MSRA: variants seen among roughly 807,000 people sequenced by gnomAD.
MSRA encodes the protein methionine sulfoxide reductase A, also known as mitochondrial peptide methionine sulfoxide reductase.
Under a neutral mutation model 31.3 loss-of-function variants are expected in MSRA, and 54 were observed. The ratio of observed to expected loss-of-function variants is 1.73; its 90% CI spans 1.39 to 2.17. The LOEUF (loss-of-function observed/expected upper bound fraction) is 2.17, where lower values mean the gene tolerates loss of function less well. Among genes scored for constraint, MSRA ranks in the 30% most tolerant of loss-of-function variants. MSRA has a pLI of 0.00. For missense variants in MSRA, 507 were observed against 300.9 expected (o/e 1.69, Z -5.07); for synonymous variants, 169 against 116.5 (o/e 1.45, Z -2.90).
intron 5 of MSRA, among the ~76,000 whole-genome samples, chr8:10,369,872 G>A (rs1805381095): frequency 6.6e-6 from 1 of 152,110 alleles, no homozygotes; most frequent in Non-Finnish European, 1.5e-5. Flanking sequence ...ATAACTTATA[G>A]CAGATAAAAG....
chr8:10,095,917 T>G (rs1286571465), intron 1 of MSRA: 1 of 1,337,680 alleles, frequency 7.5e-7, no homozygotes, highest in Admixed American at 3.4e-5. Context: ...AGGATTAATA[T>G]AGAAGATGGC....
chr8:10,084,022 G>C (rs1393722156), intron 1 of MSRA, among the ~76,000 whole-genome samples: 1 of 152,192 alleles, frequency 6.6e-6, no homozygotes, highest in African/African-American at 2.4e-5. Flanking sequence ...TCAATATTAT[G>C]TTTTGGAAGT....
rs548267098 is a variant in MSRA, at chr8:10,264,752, G to A, written c.331+19529G>A. On this transcript the variant is annotated intron_variant, in intron 3 of 5. Coordinates refer to ENST00000317173, the MANE Select transcript of MSRA (RefSeq NM_012331.5). Reference sequence around the variant, plus strand: ...AAGCCTTGAGTCTTGATGAATGGGCGAGGGAGACAATCCTTTATATCAAGT... The same window carrying A: ...AAGCCTTGAGTCTTGATGAATGGGCAAGGGAGACAATCCTTTATATCAAGT... 1.7e-3 allele frequency among the ~76,000 whole-genome samples: 264 copies of A among 152,332 alleles called. 2 individuals are homozygous for A. The highest frequency in any genetic ancestry group is 6.8e-3 in the Middle Eastern group (2 of 294).
chr8:10,145,816 C>T (rs966551106), intron 1 of MSRA, among the ~76,000 whole-genome samples: 2 of 151,972 alleles, frequency 1.3e-5, no homozygotes, highest in Admixed American at 1.3e-4. Flanking sequence ...GTACATACAC[C>T]CGCATCTGCA....
chr8:10,389,102 A>T (rs918081246), intron 5 of MSRA, among the ~76,000 whole-genome samples: 3 of 152,158 alleles, frequency 2.0e-5, no homozygotes. Flanking sequence ...TTTCACAAAA[A>T]ATTCGTAACC....
At chr8:10,113,373 G>A (rs1194158650) in intron 1 of MSRA, among the ~76,000 whole-genome samples, 1 of 138,396 alleles carries the variant, frequency 7.2e-6, no homozygotes, top group Non-Finnish European at 1.5e-5. Flanking sequence ...AAAGAAGGGG[G>A]AAGGGAGGAT....
At chr8:10,286,063 G>A (rs943097830) in intron 3 of MSRA, among the ~76,000 whole-genome samples, 13 of 152,042 alleles carry the variant, frequency 8.6e-5, no homozygotes, top group Non-Finnish European at 1.5e-4. Context: ...GATACTGTGG[G>A]CACTGGGCAC....
chr8:10,408,491 G>A (rs531040500), intron 5 of MSRA, among the ~76,000 whole-genome samples: 1 of 152,234 alleles, frequency 6.6e-6, no homozygotes, highest in South Asian at 2.1e-4. Flanking sequence ...AGTGAGCTGT[G>A]AGCATACCAC....
At chr8:10,143,116 T>G (rs1802845557) in intron 1 of MSRA, among the ~76,000 whole-genome samples, 1 of 152,130 alleles carries the variant, frequency 6.6e-6, no homozygotes, top group South Asian at 2.1e-4. Context: ...ATCCAAAGAA[T>G]GGGATGAAAG....
chr8:10,219,641 C>G (rs555917237), intron 2 of MSRA, among the ~76,000 whole-genome samples: 1 of 151,818 alleles, frequency 6.6e-6, no homozygotes, highest in Admixed American at 6.6e-5. Context: ...CCCGTCTCTA[C>G]TAAAAATACA....
At position 10,422,125 on chromosome 8, in the gene MSRA, A is replaced by T. The variant is rs560307769; in HGVS notation, c.544-6023A>T. 2.6e-5 allele frequency among the ~76,000 whole-genome samples: 4 copies of T among 152,292 alleles called. No homozygotes were observed. The South Asian group carries it at 6.2e-4, about 24-fold the overall frequency. On this transcript the variant is annotated intron_variant, in intron 5 of 5. Coordinates refer to ENST00000317173, the MANE Select transcript of MSRA (RefSeq NM_012331.5). Reference sequence around the variant, plus strand: ...TAGGGAGACACTGTCTCTATAAAAAAATTAAAATTAGCCAGGTATGGTGGT... The same window carrying T: ...TAGGGAGACACTGTCTCTATAAAAATATTAAAATTAGCCAGGTATGGTGGT...
At chr8:10,071,986 C>T (rs1010305085) in intron 1 of MSRA, among the ~76,000 whole-genome samples, 2 of 152,146 alleles carry the variant, frequency 1.3e-5, no homozygotes, top group African/African-American at 4.8e-5. Context: ...TCCCTCGTGG[C>T]TGCCCGTACG....
chr8:10,157,718 A>G (rs1385235744), intron 1 of MSRA, among the ~76,000 whole-genome samples: 1 of 152,034 alleles, frequency 6.6e-6, no homozygotes, highest in Non-Finnish European at 1.5e-5. Context: ...TCAGGACCTA[A>G]AGAAGGTTCA....
chr8:10,081,151 A>G (rs1563410466), intron 1 of MSRA, among the ~76,000 whole-genome samples: 1 of 152,206 alleles, frequency 6.6e-6, no homozygotes. Context: ...ATCCACAGCA[A>G]CAGCAGGAAG....
At chr8:10,151,712 G>T (rs1371973350) in intron 1 of MSRA, among the ~76,000 whole-genome samples, 1 of 152,096 alleles carries the variant, frequency 6.6e-6, no homozygotes, top group East Asian at 1.9e-4. Context: ...GCTTGGGTTG[G>T]GTCAAGGCAC....
chr8:10,158,244 G>A (rs974216620), intron 1 of MSRA, among the ~76,000 whole-genome samples: 28 of 152,214 alleles, frequency 1.8e-4, no homozygotes, highest in African/African-American at 3.6e-4. Flanking sequence ...TCAAGAGGAC[G>A]TAAACATTCA....
chr8:10,334,165 GGTGTGTGTGTGTGTGTGTATTTAT>G (rs1039333978), intron 5 of MSRA, among the ~76,000 whole-genome samples: 6 of 143,454 alleles, frequency 4.2e-5, no homozygotes, highest in Non-Finnish European at 6.0e-5. Flanking sequence ...AACATATAGG[GGTGTGTGTGTGTGTGTGTATTTAT>G]GTGTGTGTGT....
intron 2 of MSRA, among the ~76,000 whole-genome samples, chr8:10,224,011 A>G (rs1024501842): frequency 3.3e-5 from 5 of 152,206 alleles, no homozygotes; most frequent in African/African-American, 1.2e-4. Flanking sequence ...GTCCATGGCA[A>G]ATCACTATAG....
rs79850017 is a variant in MSRA, at chr8:10,082,129, A to G, written c.142+27471A>G. Among the ~76,000 whole-genome samples, 601 of 152,224 alleles carry G rather than the reference A, an allele frequency of 3.9e-3. 4 individuals carry two copies. The highest frequency in any genetic ancestry group is 5.4e-3 in the Non-Finnish European group (370 of 67,992). On this transcript the variant is annotated intron_variant, in intron 1 of 5. Coordinates refer to ENST00000317173, the MANE Select transcript of MSRA (RefSeq NM_012331.5). ...GCTGAGGCAGGAAGATTGCTTGAGC[A>G]CAGGAGGTCAAGACTGAGTGAGCTG...
Sources: gnomAD v4.1 joint callset for allele counts (sites outside exome capture counted in the v4.1 genomes callset) on GRCh38, gnomAD v4.1.1 for gene constraint, MANE v1.5 for transcripts, NCBI Gene and HGNC (gene_info 2026-07-23, HGNC 2026-07-21) for gene names.